The following AGAP1 variants were observed in gnomAD, a reference collection of about 807,000 sequenced individuals.
The protein encoded by AGAP1 is ArfGAP with GTPase domain, ankyrin repeat and PH domain 1.
In AGAP1, 29 loss-of-function variants were observed where a neutral mutation model predicts 105.3. That is an observed-to-expected ratio of 0.28 (90% confidence interval 0.21 to 0.38). The LOEUF is 0.38. AGAP1 is among the 10% of genes least tolerant of loss of function. The probability of loss-of-function intolerance (pLI) is 1.00; values close to 1 mark genes in which losing one functional copy is unlikely to be tolerated. For synonymous variants in AGAP1, 509 were observed against 485.9 expected, an observed-to-expected ratio of 1.05 and a Z score of -0.63; for missense variants, 998 against 1,165.1, an observed-to-expected ratio of 0.86 and a Z score of 2.09.
chr2:235,704,335 C>CT (rs1950415044), intron 1 of AGAP1, among the ~76,000 whole-genome samples: 1 of 152,218 alleles, frequency 6.6e-6, no homozygotes, highest in Non-Finnish European at 1.5e-5. Flanking sequence ...GGACAAAGCT[C>CT]TGCAGGGAGC....
chr2:236,075,914 G>T (rs1203497543), intron 16 of AGAP1, among the ~76,000 whole-genome samples: 1 of 152,214 alleles, frequency 6.6e-6, no homozygotes, highest in South Asian at 2.1e-4. Flanking sequence ...AGTTCCATTA[G>T]AGCAAACCTC....
chr2:235,883,246 G>GCA lies in AGAP1; in HGVS notation c.1051-90_1051-89dup. On this transcript the variant is annotated intron_variant, in intron 9 of 17. Transcript: ENST00000304032. This position sits in a 1 kb window ranked among gnomAD's most constrained non-coding sequence, Gnocchi z 4.5. ...CGCCAGTATCACAGAGTGAAGTTCT[G>GCA]CACACACACAGAACTTGAATGTATA... 1.0e-6 allele frequency: 1 copy of GCA among 960,660 alleles called. No individual in the cohort carries two copies. The highest frequency in any genetic ancestry group is 1.6e-6 in the Non-Finnish European group (1 of 614,456). 59.5% of individuals were successfully genotyped at this position (960,660 alleles called of 1,614,324 possible). A position where few individuals can be genotyped will look rare whatever the true frequency, so the allele number is the denominator to read the frequency against.
At position 235,737,873 on chromosome 2, in the gene AGAP1, C is replaced by T. The variant is rs1339405146; in HGVS notation, c.311-3090C>T. ...AGTGAGGAATGGGACCTGGGGCCAG[C>T]GTGCTTGGACAAGACGAAGCCTCAT... On this transcript the variant is annotated intron_variant, in intron 3 of 17. Transcript: ENST00000304032. The surrounding 1 kb of genome is among the most constrained non-coding windows in gnomAD (Gnocchi z 4.5). Among the ~76,000 whole-genome samples the T allele has an allele frequency of 6.6e-6, 1 of 151,770 alleles. No individual in the cohort carries two copies. The highest frequency in any genetic ancestry group is 1.5e-5 in the Non-Finnish European group (1 of 67,936).
rs1017367999 is a variant in AGAP1 at position 235,759,291 on chromosome 2, C to T, written c.673+8803C>T. On this transcript the variant is annotated intron_variant, in intron 6 of 17. Coordinates refer to ENST00000304032, the MANE Select transcript of AGAP1 (RefSeq NM_001037131.3). ...TCACACCATTCTCCTGCTTCAGCCT[C>T]CCAAGTAGCTGGGACTACAGGCGCC... Among the ~76,000 whole-genome samples the T allele has an allele frequency of 2.0e-5, 3 of 151,822 alleles. No individual in the cohort carries two copies. The East Asian group carries it at 5.8e-4, about 29-fold the overall frequency.
At position 235,709,289 on chromosome 2, in the gene AGAP1, C is replaced by A. The variant is rs768171352; in HGVS notation, c.222+52C>A. The A allele has an allele frequency of 1.6e-5, 25 of 1,580,398 alleles. No individual in the cohort carries two copies. In the South Asian group the frequency reaches 2.7e-4, roughly 17 times the overall value. On this transcript the variant is annotated intron_variant, in intron 2 of 17. Coordinates refer to ENST00000304032, the MANE Select transcript of AGAP1 (RefSeq NM_001037131.3). ...CCTGTGGGAAGGGAGGGGCTCTGTGCACACCCAAGCCTGCATTCCCAGGCA... is the reference window on the plus strand; with the variant it reads ...CCTGTGGGAAGGGAGGGGCTCTGTGAACACCCAAGCCTGCATTCCCAGGCA...
chr2:236,065,120 G>C (rs2058311361), intron 16 of AGAP1, among the ~76,000 whole-genome samples: 1 of 152,224 alleles, frequency 6.6e-6, no homozygotes, highest in Non-Finnish European at 1.5e-5. Flanking sequence ...ATCGGAGGCC[G>C]GAAGGCTTAC....
chr2:235,841,809 C>T (rs928557543), intron 9 of AGAP1, among the ~76,000 whole-genome samples: 3 of 152,134 alleles, frequency 2.0e-5, no homozygotes, highest in Non-Finnish European at 2.9e-5. Context: ...TTGGTTGTTG[C>T]TGAGAGCATA....
intron 1 of AGAP1, among the ~76,000 whole-genome samples, chr2:235,675,195 T>G (rs1267999604): frequency 4.7e-5 from 7 of 148,466 alleles, no homozygotes; most frequent in Admixed American, 2.7e-4. Context: ...GGTTGGTTTT[T>G]TTTTTTTTTT....
Position 235,720,088 on chromosome 2 carries a change from G to T in AGAP1, c.310+2444G>T, listed in dbSNP as rs369334528. ...CAGTGGCAGGAGGGAGCCATAACTT[G>T]TTGTAATGTCACTTGTAATGAAGGG... On this transcript the variant is annotated intron_variant, in intron 3 of 17. Transcript: ENST00000304032. The surrounding 1 kb of genome is among the most constrained non-coding windows in gnomAD (Gnocchi z 5.0). 6.6e-6 allele frequency among the ~76,000 whole-genome samples: 1 copy of T among 152,148 alleles called. No homozygotes were observed. The highest frequency in any genetic ancestry group is 6.5e-5 in the Admixed American group (1 of 15,286).
At position 235,992,424 on chromosome 2, in the gene AGAP1, C is replaced by T. The variant is rs927412327; in HGVS notation, c.1645+23801C>T. 2.6e-5 allele frequency among the ~76,000 whole-genome samples: 4 copies of T among 152,172 alleles called. No individual in the cohort carries two copies. The highest frequency in any genetic ancestry group is 4.4e-5 in the Non-Finnish European group (3 of 68,016). On this transcript the variant is annotated intron_variant, in intron 13 of 17. Transcript: ENST00000304032. The surrounding 1 kb of genome is among the most constrained non-coding windows in gnomAD (Gnocchi z 4.8). ...TCCTGTGCTTTGAGTGTCTGGCGTTCAGTGGCAGGGGACCCTCCATGTGGG... is the reference window on the plus strand; with the variant it reads ...TCCTGTGCTTTGAGTGTCTGGCGTTTAGTGGCAGGGGACCCTCCATGTGGG...
At chr2:235,828,278 A>G (rs1388861211) in intron 9 of AGAP1, among the ~76,000 whole-genome samples, 1 of 152,164 alleles carries the variant, frequency 6.6e-6, no homozygotes, top group Non-Finnish European at 1.5e-5. Flanking sequence ...TAAGCACCCC[A>G]TGTTGGGAAT....
chr2:235,852,051 C>T (rs2048488912), intron 9 of AGAP1, among the ~76,000 whole-genome samples: 1 of 152,146 alleles, frequency 6.6e-6, no homozygotes, highest in Non-Finnish European at 1.5e-5. Flanking sequence ...GCTGCCGACT[C>T]TGAAACAAGG....
intron 9 of AGAP1, among the ~76,000 whole-genome samples, chr2:235,880,739 C>CAAA (rs200556615): frequency 1.1e-5 from 1 of 91,630 alleles, no homozygotes; most frequent in African/African-American, 3.6e-5. Context: ...GACTCCGTCT[C>CAAA]AAAAAAAAAA....
Position 235,777,326 on chromosome 2 carries a change from G to A in AGAP1, c.674-20433G>A, listed in dbSNP as rs150676886. Among the ~76,000 whole-genome samples, 983 of 152,300 alleles carry A rather than the reference G, an allele frequency of 6.5e-3. 5 individuals are homozygous for A. Among genetic ancestry groups the A allele is most frequent in the African/African-American group, 0.023 (944 of 41,564 alleles). On this transcript the variant is annotated intron_variant, in intron 6 of 17. Coordinates refer to ENST00000304032, the MANE Select transcript of AGAP1 (RefSeq NM_001037131.3). The surrounding 1 kb of genome is among the most constrained non-coding windows in gnomAD (Gnocchi z 5.1). ...GATTGCGCCACTGCACTTCAGCCTG[G>A]GTGACAGAGCGAGACTCTGTCTCAA...
Position 236,053,726 on chromosome 2 carries a change from C to T in AGAP1, c.2114+4445C>T, listed in dbSNP as rs1389774846. The stretch of plus-strand genomic sequence containing the variant: ...CAGTGCAGGTAGCCTGTTTACTTGG[C>T]GGCTTAGGAGCCTGCTGATTTGGGC... On this transcript the variant is annotated intron_variant, in intron 16 of 17. Transcript: ENST00000304032. The surrounding 1 kb of genome is among the most constrained non-coding windows in gnomAD (Gnocchi z 4.6). Among the ~76,000 whole-genome samples, 1 of 152,210 alleles carries T rather than the reference C, an allele frequency of 6.6e-6. No individual in the cohort carries two copies. Among genetic ancestry groups the T allele is most frequent in the African/African-American group, 2.4e-5 (1 of 41,460 alleles).
chr2:235,981,599 A>G lies in AGAP1; in HGVS notation c.1645+12976A>G, dbSNP rs1575961097. On this transcript the variant is annotated intron_variant, in intron 13 of 17. Coordinates refer to ENST00000304032, the MANE Select transcript of AGAP1 (RefSeq NM_001037131.3). The surrounding 1 kb of genome is among the most constrained non-coding windows in gnomAD (Gnocchi z 5.5). The stretch of plus-strand genomic sequence containing the variant: ...AACAGAAACTCAGAGTTGACAATCT[A>G]TTAGCAATAATATCACTATCAATTA... Among the ~76,000 whole-genome samples, 1 of 152,214 alleles carries G rather than the reference A, an allele frequency of 6.6e-6. No individual in the cohort carries two copies. The highest frequency in any genetic ancestry group is 1.9e-4 in the East Asian group (1 of 5,194).
At position 235,857,376 on chromosome 2, in the gene AGAP1, T is replaced by C. The variant is rs375081969; in HGVS notation, c.1051-25969T>C. 2.5e-4 allele frequency among the ~76,000 whole-genome samples: 38 copies of C among 152,290 alleles called. No individual in the cohort carries two copies. In the East Asian group the frequency reaches 7.4e-3, roughly 29 times the overall value. On this transcript the variant is annotated intron_variant, in intron 9 of 17. Transcript: ENST00000304032. The stretch of plus-strand genomic sequence containing the variant: ...GTGGAAAAATTGTCTTCCAGGAAAC[T>C]GGTCCCTGGTGCCAAAAAGGTTGGG...
At chr2:235,929,068 A>G (rs775749654) in intron 11 of AGAP1, among the ~76,000 whole-genome samples, 2 of 152,116 alleles carry the variant, frequency 1.3e-5, no homozygotes, top group Admixed American at 6.5e-5. Context: ...GGCATGAGAA[A>G]CGGCCTCAAG....
chr2:235,540,028 A>G (rs1362522675), intron 1 of AGAP1, among the ~76,000 whole-genome samples: 1 of 152,042 alleles, frequency 6.6e-6, no homozygotes, highest in Non-Finnish European at 1.5e-5. Context: ...TGTCCTGCTC[A>G]GGAAGGTGGT....
Sources: allele counts gnomAD v4.1 joint callset (sites outside exome capture counted in the v4.1 genomes callset), GRCh38; gene constraint gnomAD v4.1.1; non-coding constraint Gnocchi (gnomAD v3.1); transcripts MANE v1.5; gene names NCBI Gene and HGNC (gene_info 2026-07-23, HGNC 2026-07-21).